The following TRIM23 variants were observed in gnomAD, a reference collection of about 807,000 sequenced individuals.
The protein encoded by TRIM23 is tripartite motif containing 23.
A neutral mutation model predicts 71.0 loss-of-function variants in TRIM23; 27 were observed. That is an observed-to-expected ratio of 0.38 (90% CI 0.28 to 0.52). The LOEUF (loss-of-function observed/expected upper bound fraction) is 0.52, where lower values mean the gene tolerates loss of function less well. TRIM23 is among the 20% of genes least tolerant of loss of function. TRIM23 has a pLI of 0.84. For missense variants in TRIM23, 482 were observed against 692.3 expected (o/e 0.70, Z 3.41); for synonymous variants, 234 against 238.0 (o/e 0.98, Z 0.16).
At chr5:65,623,480 G>C in intron 1 of TRIM23, among the ~76,000 whole-genome samples, 1 of 152,164 alleles carries the variant, frequency 6.6e-6, no homozygotes, top group East Asian at 1.9e-4. Context: ...AAAAATGAGT[G>C]CCACATATTT....
chr5:65,613,206 T>C (rs1754695929), intron 3 of TRIM23, among the ~76,000 whole-genome samples: 1 of 151,498 alleles, frequency 6.6e-6, no homozygotes, highest in South Asian at 2.1e-4. Context: ...AATTATAAAC[T>C]ATAATGTCAA....
At chr5:65,612,370 CAT>C (rs112317872) in intron 3 of TRIM23, among the ~76,000 whole-genome samples, 17 of 152,288 alleles carry the variant, frequency 1.1e-4, no homozygotes, top group African/African-American at 4.1e-4. Flanking sequence ...CTTTTAAAAA[CAT>C]AGCTGTCTGG....
chr5:65,599,740 A>T (rs1436279913), intron 7 of TRIM23, among the ~76,000 whole-genome samples: 3 of 152,242 alleles, frequency 2.0e-5, no homozygotes, highest in African/African-American at 4.8e-5. Flanking sequence ...GAAAAAATTA[A>T]GCTAAAATTT....
At chr5:65,624,078 G>A (rs997343461) in intron 1 of TRIM23, 116 bp downstream of exon 1, 2 of 1,212,638 alleles carry the variant, frequency 1.6e-6, no homozygotes, top group East Asian at 2.5e-5. Flanking sequence ...GCCAAAAGGG[G>A]CCCAGAGGCC....
Position 65,590,504 on chromosome 5 carries a change from A to G in TRIM23, c.*1265T>C. On this transcript the variant is annotated 3_prime_UTR_variant, in exon 11 of 11. Coordinates refer to ENST00000231524, the MANE Select transcript of TRIM23 (RefSeq NM_001656.4). Reference sequence around the variant, plus strand: ...TCACTGTCCTTACAACAATTCAACTAATAAGATTTAAGATTTAACTTCATC... The same window carrying G: ...TCACTGTCCTTACAACAATTCAACTGATAAGATTTAAGATTTAACTTCATC... The G allele has an allele frequency of 8.4e-7, 1 of 1,190,424 alleles. No individual in the cohort carries two copies. The highest frequency in any genetic ancestry group is 4.0e-5 in the South Asian group (1 of 25,114). 73.7% of individuals were successfully genotyped at this position (1,190,424 alleles called of 1,614,324 possible). A position where few individuals can be genotyped will look rare whatever the true frequency, so the allele number is the denominator to read the frequency against.
chr5:65,609,409 T>A lies in TRIM23; in HGVS notation c.878A>T (p.Tyr293Phe). The change falls in exon 6 of 11, where the codon TAT becomes TTT. Residue 293 changes from tyrosine (Y) to phenylalanine (F), a missense_variant. Physicochemically the swap from Tyr to Phe is conservative, Grantham distance 22 (BLOSUM62 3). Transcript: ENST00000231524. ...ACGACACAGAGTTTCATGTAGATCA[T>A]AAAAATAAGCTCGAATACATGACCG... ...NARSCIRAYF[Y>F]DLHETLCRQE... The A allele has an allele frequency of 6.2e-7, 1 of 1,614,080 alleles. No homozygotes were observed. The highest frequency in any genetic ancestry group is 1.3e-5 in the African/African-American group (1 of 75,016).
chr5:65,622,593 CT>C (rs2150646205), intron 1 of TRIM23, among the ~76,000 whole-genome samples: 1 of 152,348 alleles, frequency 6.6e-6, no homozygotes, highest in South Asian at 2.1e-4. Flanking sequence ...TATACTTCAA[CT>C]TTTACCTTCC....
Position 65,591,647 on chromosome 5 carries a change from A to ATG in TRIM23, c.*121_*122insCA. ...TGAATTCCCAATCCAAGATTCCTTT[A>ATG]TATATATATATATATATATGCATCC... On this transcript the variant is annotated 3_prime_UTR_variant, in exon 11 of 11. Transcript: ENST00000231524. 7.7e-6 allele frequency: 4 copies of ATG among 521,830 alleles called. No individual in the cohort carries two copies. Among genetic ancestry groups the ATG allele is most frequent in the Non-Finnish European group, 7.8e-6 (3 of 383,610 alleles). 32.3% of individuals were successfully genotyped at this position (521,830 alleles called of 1,614,324 possible).
intron 9 of TRIM23, 141 bp downstream of exon 9, chr5:65,596,280 A>G: frequency 4.7e-6 from 3 of 632,574 alleles, no homozygotes; most frequent in East Asian, 2.8e-5. Context: ...TTCATTTTTT[A>G]CAAGTTAAGA....
At chr5:65,593,741 A>G (rs891683216) in intron 10 of TRIM23, among the ~76,000 whole-genome samples, 2 of 152,030 alleles carry the variant, frequency 1.3e-5, no homozygotes, top group African/African-American at 4.8e-5. Flanking sequence ...CATCCTCCCC[A>G]TTCAGTCACC....
chr5:65,620,998 C>A (rs1365480842), intron 1 of TRIM23, among the ~76,000 whole-genome samples: 1 of 151,828 alleles, frequency 6.6e-6, no homozygotes, highest in Non-Finnish European at 1.5e-5. Context: ...CCATTGCACT[C>A]CCACCTGGGT....
chr5:65,597,296 T>C (rs1754233696), intron 7 of TRIM23, 116 bp from the exon 8 acceptor site: 2 of 1,101,052 alleles, frequency 1.8e-6, no homozygotes, highest in South Asian at 1.6e-5. Context: ...ATCTGAATTG[T>C]ATTCCTCAAA....
intron 8 of TRIM23, 98 bp downstream of exon 8, chr5:65,596,953 G>T: frequency 6.9e-7 from 1 of 1,447,784 alleles, no homozygotes; most frequent in Non-Finnish European, 9.3e-7. Context: ...CCAGAAAAGA[G>T]CCCACCACCA....
chr5:65,614,062 G>C (rs1018056015), intron 3 of TRIM23, 36 bp downstream of exon 3: 1 of 1,597,410 alleles, frequency 6.3e-7, no homozygotes, highest in Non-Finnish European at 8.5e-7. Context: ...AAAAATTCAT[G>C]CTCGTAACAA....
chr5:65,611,325 T>C (rs1452689090), intron 4 of TRIM23, among the ~76,000 whole-genome samples: 2 of 152,140 alleles, frequency 1.3e-5, no homozygotes, highest in Admixed American at 1.3e-4. Flanking sequence ...CAAAACAATC[T>C]GGTGCATTAT....
Position 65,597,311 on chromosome 5 carries a change from T to C in TRIM23, c.1180-131A>G. ...ATCTGAATTGTATTCCTCAAAATACTGAGTCTGATCTCAAGAAGATGAAAT... is the reference window on the plus strand; with the variant it reads ...ATCTGAATTGTATTCCTCAAAATACCGAGTCTGATCTCAAGAAGATGAAAT... On this transcript the variant is annotated intron_variant, in intron 7 of 10. Transcript: ENST00000231524. 3.0e-6 allele frequency: 3 copies of C among 994,676 alleles called. No individual in the cohort carries two copies. In the South Asian group the frequency reaches 5.1e-5, roughly 17 times the overall value. The allele number at this position is 994,676 out of a possible 1,614,324, so 61.6% of individuals were successfully genotyped here.
chr5:65,614,066 G>A (rs895980526), intron 3 of TRIM23, 32 bp downstream of exon 3: 33 of 1,598,546 alleles, frequency 2.1e-5, no homozygotes, highest in South Asian at 9.2e-5. Flanking sequence ...ATTCATGCTC[G>A]TAACAAATAT....
chr5:65,600,436 G>C (rs1173933127), intron 7 of TRIM23, among the ~76,000 whole-genome samples: 2 of 152,078 alleles, frequency 1.3e-5, no homozygotes, highest in Non-Finnish European at 2.9e-5. Flanking sequence ...TTCAATAAAT[G>C]ATGCTGGGGA....
chr5:65,591,541 C>A lies in TRIM23; in HGVS notation c.*228G>T. 1 of 1,460,092 alleles carries A rather than the reference C, an allele frequency of 6.8e-7. No homozygotes were observed. The highest frequency in any genetic ancestry group is 1.4e-5 in the South Asian group (1 of 73,590). 90.4% of individuals were successfully genotyped at this position (1,460,092 alleles called of 1,614,324 possible). A position where few individuals can be genotyped will look rare whatever the true frequency, so the allele number is the denominator to read the frequency against. Reference sequence around the variant, plus strand: ...TATACTTTTTAAAAGAATGTATATTCAATAAGTTTCTATTTAATTCAATCT... The same window carrying A: ...TATACTTTTTAAAAGAATGTATATTAAATAAGTTTCTATTTAATTCAATCT... On this transcript the variant is annotated 3_prime_UTR_variant, in exon 11 of 11. Coordinates refer to ENST00000231524, the MANE Select transcript of TRIM23 (RefSeq NM_001656.4).
Sources: gnomAD v4.1 joint callset for allele counts (sites outside exome capture counted in the v4.1 genomes callset) on GRCh38, gnomAD v4.1.1 for gene constraint, MANE v1.5 for transcripts, NCBI Gene and HGNC (gene_info 2026-07-23, HGNC 2026-07-21) for gene names.